The following SMARCC1 variants were observed in gnomAD, a reference collection of about 807,000 sequenced individuals.
SMARCC1 encodes the protein SWI/SNF complex subunit SMARCC1.
In SMARCC1, 43 loss-of-function variants were observed where a neutral mutation model predicts 147.4. That is an observed-to-expected ratio of 0.29 (90% CI 0.23 to 0.38). The LOEUF (loss-of-function observed/expected upper bound fraction) is 0.38, where lower values mean the gene tolerates loss of function less well. Ranked by LOEUF, SMARCC1 falls within the 10% of genes least tolerant of loss-of-function variation. The pLI is 1.00. For missense variants in SMARCC1, 1,119 were observed against 1,381.1 expected (o/e 0.81, Z 3.01); for synonymous variants, 495 against 484.4 (o/e 1.02, Z -0.29).
At chr3:47,758,250 G>C (rs1576433284) in intron 2 of SMARCC1, among the ~76,000 whole-genome samples, 1 of 151,850 alleles carries the variant, frequency 6.6e-6, no homozygotes, top group East Asian at 1.9e-4. Context: ...CTCCTAAGTA[G>C]CTCCAACCAC....
At chr3:47,652,162 G>C (rs967525811) in intron 21 of SMARCC1, among the ~76,000 whole-genome samples, 3 of 152,122 alleles carry the variant, frequency 2.0e-5, no homozygotes, top group African/African-American at 4.8e-5. Flanking sequence ...TTTTTGTAGA[G>C]ATGGGGTCTT....
chr3:47,605,206 A>G (rs1168670441), intron 26 of SMARCC1, among the ~76,000 whole-genome samples: 1 of 152,202 alleles, frequency 6.6e-6, no homozygotes, highest in Non-Finnish European at 1.5e-5. Flanking sequence ...ATATCCTATG[A>G]TCCACTCTTA....
intron 10 of SMARCC1, 70 bp downstream of exon 10, chr3:47,706,339 T>C (rs968717629): frequency 7.2e-7 from 1 of 1,382,592 alleles, no homozygotes. Flanking sequence ...CCAAAAGTGC[T>C]GGGATTATAA....
intron 25 of SMARCC1, among the ~76,000 whole-genome samples, chr3:47,620,353 C>T (rs961376869): frequency 6.6e-6 from 1 of 151,816 alleles, no homozygotes; most frequent in Non-Finnish European, 1.5e-5. Flanking sequence ...ATCCCAGCTA[C>T]TCGGGAGACT....
intron 2 of SMARCC1, among the ~76,000 whole-genome samples, chr3:47,759,806 G>A (rs1444867238): frequency 3.3e-5 from 5 of 150,840 alleles, no homozygotes; most frequent in African/African-American, 9.8e-5. Context: ...GTGTGGTGGC[G>A]GGTGCCTGTA....
chr3:47,749,322 T>C (rs2034600934), intron 2 of SMARCC1, among the ~76,000 whole-genome samples: 1 of 151,866 alleles, frequency 6.6e-6, no homozygotes, highest in South Asian at 2.1e-4. Flanking sequence ...AAATGGCATA[T>C]TTTGTTACAG....
intron 24 of SMARCC1, among the ~76,000 whole-genome samples, chr3:47,632,188 G>A (rs940774244): frequency 6.6e-6 from 1 of 152,170 alleles, no homozygotes; most frequent in South Asian, 2.1e-4. Context: ...AAGGAGTCAA[G>A]CTATTTTAAG....
At chr3:47,769,449 G>T (rs1006351102) in intron 2 of SMARCC1, among the ~76,000 whole-genome samples, 1 of 151,608 alleles carries the variant, frequency 6.6e-6, no homozygotes. Flanking sequence ...GGATGGTCTC[G>T]ATCTCCTGAC....
intron 3 of SMARCC1, among the ~76,000 whole-genome samples, chr3:47,745,643 G>A (rs962920368): frequency 1.9e-4 from 29 of 152,100 alleles, no homozygotes; most frequent in Admixed American, 5.9e-4. Context: ...AATCTGATGC[G>A]CGGGATGCAG....
chr3:47,625,164 T>A (rs1029374036), intron 24 of SMARCC1, among the ~76,000 whole-genome samples: 2 of 150,998 alleles, frequency 1.3e-5, no homozygotes, highest in Admixed American at 6.6e-5. Flanking sequence ...TTTTTTTTTT[T>A]AAAGACAGAG....
chr3:47,594,418 G>T (rs906200074), intron 26 of SMARCC1, among the ~76,000 whole-genome samples: 2 of 152,180 alleles, frequency 1.3e-5, no homozygotes, highest in Middle Eastern at 6.3e-3. Flanking sequence ...TGAACACTGC[G>T]ACTAGGACCA....
At chr3:47,624,997 T>C (rs1212804420) in intron 24 of SMARCC1, among the ~76,000 whole-genome samples, 1 of 150,314 alleles carries the variant, frequency 6.7e-6, no homozygotes, top group Non-Finnish European at 1.5e-5. Context: ...GCCACAGCAC[T>C]CCAGCCTAGG....
chr3:47,650,307 T>TATC (rs1223243594), intron 21 of SMARCC1, among the ~76,000 whole-genome samples: 11 of 141,744 alleles, frequency 7.8e-5, no homozygotes, highest in Non-Finnish European at 1.2e-4. Context: ...TAATTATTAT[T>TATC]ATTATTATTA....
intron 2 of SMARCC1, among the ~76,000 whole-genome samples, chr3:47,767,776 G>A (rs2034858491): frequency 6.6e-6 from 1 of 151,638 alleles, no homozygotes; most frequent in Non-Finnish European, 1.5e-5. Context: ...GCTGAGGCAG[G>A]AGAATAGTTT....
intron 5 of SMARCC1, among the ~76,000 whole-genome samples, chr3:47,731,824 GT>G (rs2034377704): frequency 6.6e-6 from 1 of 152,170 alleles, no homozygotes. Flanking sequence ...AGGCTTTGCT[GT>G]TTTGTTATGG....
At chr3:47,757,945 C>T (rs769959406) in intron 2 of SMARCC1, among the ~76,000 whole-genome samples, 11 of 151,864 alleles carry the variant, frequency 7.2e-5, no homozygotes, top group Middle Eastern at 3.2e-3. Flanking sequence ...AAGAACACAA[C>T]CAAAAGAAAC....
chr3:47,767,190 A>AC (rs1429819027), intron 2 of SMARCC1, among the ~76,000 whole-genome samples: 1 of 26,306 alleles, frequency 3.8e-5, no homozygotes, highest in East Asian at 1.4e-3. Context: ...CTCCAAAAAG[A>AC]AAAAAAAAAA....
rs547045398 is a variant in SMARCC1 at position 47,697,835 on chromosome 3, G to A, written c.1165+3443C>T. On this transcript the variant is annotated intron_variant, in intron 11 of 27. Coordinates refer to ENST00000254480, the MANE Select transcript of SMARCC1 (RefSeq NM_003074.4). ...ATCCTGGCTAACATGGTGAAACCCC[G>A]TCTCTACTAAAAATACAAAAAAATT... 3.3e-5 allele frequency among the ~76,000 whole-genome samples: 5 copies of A among 150,488 alleles called. No homozygotes were observed. The East Asian group carries it at 6.0e-4, about 18-fold the overall frequency.
At chr3:47,623,008 C>A (rs2032756359) in intron 24 of SMARCC1, among the ~76,000 whole-genome samples, 1 of 152,108 alleles carries the variant, frequency 6.6e-6, no homozygotes, top group Non-Finnish European at 1.5e-5. Context: ...TAACTACTAG[C>A]TAGTAATCAA....
Sources: gnomAD v4.1 joint callset for allele counts (sites outside exome capture counted in the v4.1 genomes callset) on GRCh38, gnomAD v4.1.1 for gene constraint, MANE v1.5 for transcripts, NCBI Gene and HGNC (gene_info 2026-07-23, HGNC 2026-07-21) for gene names.